Variants in ARHGAP22 observed in about 807,000 individuals in gnomAD.
The protein encoded by ARHGAP22 is Rho GTPase activating protein 22.
A neutral mutation model predicts 59.1 loss-of-function variants in ARHGAP22; 48 were observed. The ratio of observed to expected loss-of-function variants is 0.81; its 90% CI spans 0.64 to 1.03. The LOEUF is 1.03. Among genes scored for constraint, ARHGAP22 ranks in the 50% least tolerant of loss-of-function variants. The pLI is 0.00. For synonymous variants in ARHGAP22, 445 were observed against 416.4 expected, an observed-to-expected ratio of 1.07 and a Z score of -0.84; for missense variants, 1,015 against 958.7, an observed-to-expected ratio of 1.06 and a Z score of -0.78.
At chr10:48,600,754 T>G (rs1289026804) in intron 1 of ARHGAP22, among the ~76,000 whole-genome samples, 1 of 152,176 alleles carries the variant, frequency 6.6e-6, no homozygotes, top group African/African-American at 2.4e-5. Context: ...GTTCTCTCCA[T>G]GGGGTGGAGT....
chr10:48,546,688 C>T (rs537722581), intron 3 of ARHGAP22: 3 of 163,060 alleles, frequency 1.8e-5, no homozygotes, highest in African/African-American at 7.2e-5. Context: ...TCTGAGGTTA[C>T]TTACTGTGCC....
chr10:48,553,232 C>A (rs1050447064), intron 3 of ARHGAP22, among the ~76,000 whole-genome samples: 2 of 152,210 alleles, frequency 1.3e-5, no homozygotes, highest in Non-Finnish European at 2.9e-5. Flanking sequence ...CGCCCACCAC[C>A]CGTCCCGCTC....
chr10:48,558,575 C>T (rs2057473669), intron 2 of ARHGAP22, among the ~76,000 whole-genome samples: 1 of 152,106 alleles, frequency 6.6e-6, no homozygotes, highest in Non-Finnish European at 1.5e-5. Flanking sequence ...CTATCTTCCC[C>T]ATGCTGGTCT....
At chr10:48,457,294 C>A (rs556050443) in intron 5 of ARHGAP22, among the ~76,000 whole-genome samples, 7 of 152,296 alleles carry the variant, frequency 4.6e-5, no homozygotes, top group African/African-American at 1.7e-4. Context: ...CGACCTGCCC[C>A]CCAGCCGGGC....
rs893259911 is a variant in ARHGAP22 at position 48,483,841 on chromosome 10, C to T, written c.323-4077G>A. Among the ~76,000 whole-genome samples, 3 of 139,876 alleles carry T rather than the reference C, an allele frequency of 2.1e-5. No individual in the cohort carries two copies. In the Admixed American group the frequency reaches 2.3e-4, roughly 11 times the overall value. The allele number at this position is 139,876 out of a possible 152,430, so 91.8% of individuals were successfully genotyped here. A position where few individuals can be genotyped will look rare whatever the true frequency, so the allele number is the denominator to read the frequency against. On this transcript the variant is annotated intron_variant, in intron 3 of 9. Coordinates refer to ENST00000249601, the MANE Select transcript of ARHGAP22 (RefSeq NM_021226.4). ...TCAACGGGTTGTCTCTTCACTCTGCCGATTGTTTCCTTTGCTGTGCAGAAG... is the reference window on the plus strand; with the variant it reads ...TCAACGGGTTGTCTCTTCACTCTGCTGATTGTTTCCTTTGCTGTGCAGAAG...
At chr10:48,641,472 T>C (rs2062042641) in intron 1 of ARHGAP22, among the ~76,000 whole-genome samples, 1 of 152,170 alleles carries the variant, frequency 6.6e-6, no homozygotes, top group Non-Finnish European at 1.5e-5. Context: ...ATCCAGCATA[T>C]AAACAGAACC....
chr10:48,494,238 G>A (rs2050702036), intron 3 of ARHGAP22, among the ~76,000 whole-genome samples: 1 of 152,224 alleles, frequency 6.6e-6, no homozygotes, highest in African/African-American at 2.4e-5. Flanking sequence ...GCTGGGAAAT[G>A]GCACAGCCAG....
chr10:48,588,128 C>T (rs2059537675), intron 1 of ARHGAP22, among the ~76,000 whole-genome samples: 1 of 152,212 alleles, frequency 6.6e-6, no homozygotes, highest in Admixed American at 6.5e-5. Context: ...AAGGCCCAGG[C>T]ATCAGGCCTC....
At chr10:48,491,167 C>T (rs1180926958) in intron 3 of ARHGAP22, among the ~76,000 whole-genome samples, 2 of 152,198 alleles carry the variant, frequency 1.3e-5, no homozygotes, top group Non-Finnish European at 2.9e-5. Context: ...TTGGCAAAGG[C>T]CTCGCAGTGA....
At chr10:48,490,163 G>A (rs2050244130) in intron 3 of ARHGAP22, among the ~76,000 whole-genome samples, 1 of 152,170 alleles carries the variant, frequency 6.6e-6, no homozygotes. Context: ...TGAAACCAAA[G>A]GGACCCACCT....
At chr10:48,473,918 C>T (rs558231238) in intron 4 of ARHGAP22, among the ~76,000 whole-genome samples, 91 of 152,306 alleles carry the variant, frequency 6.0e-4, no homozygotes, top group African/African-American at 2.1e-3. Flanking sequence ...CCTGGGGACC[C>T]GGTGACTATT....
chr10:48,613,385 T>C (rs3910912), intron 1 of ARHGAP22, among the ~76,000 whole-genome samples: 53,801 of 151,996 alleles, frequency 0.35, 9,789 homozygotes, highest in East Asian at 0.46. Context: ...AGATGGTACG[T>C]TTGAAGAACC....
chr10:48,608,858 G>C (rs1352279924), upstream of ARHGAP22, among the ~76,000 whole-genome samples: 11 of 152,122 alleles, frequency 7.2e-5, no homozygotes, highest in Non-Finnish European at 1.6e-4. Flanking sequence ...AACTATTTAA[G>C]ACAAAGGTAA....
intron 4 of ARHGAP22, among the ~76,000 whole-genome samples, chr10:48,465,997 G>A (rs1330895829): frequency 2.6e-5 from 4 of 152,104 alleles, no homozygotes; most frequent in South Asian, 4.1e-4. Context: ...GGCTGTAAGC[G>A]GTAAGATCCA....
intron 3 of ARHGAP22, among the ~76,000 whole-genome samples, chr10:48,520,007 C>T (rs1049123118): frequency 1.3e-5 from 2 of 152,138 alleles, no homozygotes; most frequent in East Asian, 1.9e-4. Context: ...GGCGATAAGT[C>T]GAGGGAATGC....
intron 1 of ARHGAP22, among the ~76,000 whole-genome samples, chr10:48,611,405 C>G (rs2060878586): frequency 6.6e-6 from 1 of 152,100 alleles, no homozygotes; most frequent in South Asian, 2.1e-4. Flanking sequence ...AAAGCTGCCC[C>G]CCTTCCTAGA....
intron 4 of ARHGAP22, among the ~76,000 whole-genome samples, chr10:48,473,002 C>A (rs1426144123): frequency 6.6e-6 from 1 of 152,072 alleles, no homozygotes; most frequent in African/African-American, 2.4e-5. Flanking sequence ...GGTATATACC[C>A]CAAATAATTG....
chr10:48,536,421 G>T (rs1219108742), intron 3 of ARHGAP22, among the ~76,000 whole-genome samples: 1 of 152,192 alleles, frequency 6.6e-6, no homozygotes, highest in African/African-American at 2.4e-5. Flanking sequence ...TATTTTCCGG[G>T]CTGAGTTGGC....
chr10:48,432,733 A>C, the ARHGAP22 span, among the ~76,000 whole-genome samples: 1 of 152,192 alleles, frequency 6.6e-6, no homozygotes, highest in South Asian at 2.1e-4. Context: ...GAGCATTTGT[A>C]TTTGTTCTTA....
Sources: gnomAD v4.1 joint callset for allele counts (sites outside exome capture counted in the v4.1 genomes callset) on GRCh38, gnomAD v4.1.1 for gene constraint, MANE v1.5 for transcripts, NCBI Gene and HGNC (gene_info 2026-07-23, HGNC 2026-07-21) for gene names.